MGA: variants seen among roughly 807,000 people sequenced by gnomAD.
MGA encodes the protein MAX gene-associated protein.
Under a neutral mutation model 261.1 loss-of-function variants are expected in MGA, and 40 were observed. The ratio of observed to expected loss-of-function variants is 0.15; its 90% CI spans 0.12 to 0.20. The LOEUF (loss-of-function observed/expected upper bound fraction) is 0.20. MGA is among the 10% of genes least tolerant of loss of function. MGA has a pLI of 1.00. For missense variants in MGA, 3,397 were observed against 3,630.5 expected (o/e 0.94, Z 1.65); for synonymous variants, 1,302 against 1,290.6 (o/e 1.01, Z -0.19).
In MGA at chr15:41,729,333, A is replaced by G. The variant is rs2061392997; in HGVS notation, c.3827A>G (p.Asn1276Ser). ...ACTTCATGTCATTCTAGCCCTGAGA[A>G]CCATAATAATGCAAAGGTGAGTTTC... The change falls in exon 11 of 24, where the codon AAC (asparagine) becomes AGC (serine). Residue 1276 changes from asparagine to serine, a missense_variant. This residue lies in a region of MGA where 1,410 missense variants were observed against 1,386.4 expected (regional missense o/e 1.02). Coordinates refer to ENST00000219905, the MANE Select transcript of MGA (RefSeq NM_001164273.2). The G allele has an allele frequency of 1.2e-6, 2 of 1,611,262 alleles. No individual in the cohort carries two copies. The highest frequency in any genetic ancestry group is 1.7e-6 in the Non-Finnish European group (2 of 1,179,182).
chr15:41,694,319 G>A (rs936162424), intron 2 of MGA, among the ~76,000 whole-genome samples: 3 of 151,904 alleles, frequency 2.0e-5, no homozygotes, highest in Non-Finnish European at 4.4e-5. Context: ...GGGAGGCCAA[G>A]GCAGGAGAAT....
At chr15:41,681,993 C>T (rs1437426136) in intron 2 of MGA, among the ~76,000 whole-genome samples, 2 of 152,136 alleles carry the variant, frequency 1.3e-5, no homozygotes, top group Non-Finnish European at 2.9e-5. Flanking sequence ...TCTCGGCTTA[C>T]TGCAACCGCT....
At chr15:41,739,925 C>T (rs368291283) in intron 13 of MGA, 86 of 1,611,872 alleles carry the variant, frequency 5.3e-5, no homozygotes, top group Non-Finnish European at 6.7e-5. Flanking sequence ...AAGAGTTACC[C>T]GCAGGCTAAG....
chr15:41,733,114 A>C (rs534046678), intron 11 of MGA, among the ~76,000 whole-genome samples: 9 of 152,184 alleles, frequency 5.9e-5, no homozygotes, highest in Admixed American at 5.9e-4. Context: ...GGGTGCCACC[A>C]TGCCCGGCTA....
At chr15:41,635,478 G>A (rs187520710) in intron 1 of MGA, among the ~76,000 whole-genome samples, 1 of 152,278 alleles carries the variant, frequency 6.6e-6, no homozygotes, top group African/African-American at 2.4e-5. Flanking sequence ...GGGAGGCCAA[G>A]GTGGGAGTTT....
At chr15:41,680,748 C>T (rs2058625775) in intron 2 of MGA, among the ~76,000 whole-genome samples, 1 of 152,194 alleles carries the variant, frequency 6.6e-6, no homozygotes, top group African/African-American at 2.4e-5. Flanking sequence ...GTACATCACC[C>T]TTCTGGGACA....
At chr15:41,736,157 T>C in intron 12 of MGA, 24 bp from the exon 13 acceptor site, 3 of 1,468,730 alleles carry the variant, frequency 2.0e-6, no homozygotes, top group South Asian at 1.5e-5. Context: ...CAACTTTTTC[T>C]TTTTTATTAT....
In MGA at chr15:41,713,181, A is replaced by G. The variant is rs377370079; in HGVS notation, c.3115A>G (p.Ile1039Val). 7 of 1,613,638 alleles carry G rather than the reference A, an allele frequency of 4.3e-6. No homozygotes were observed. Among genetic ancestry groups the G allele is most frequent in the African/African-American group, 2.7e-5 (2 of 75,034 alleles). ...CCTCAAAACTAAACCTATCCACACAATCATAAGGAAACGAGCCCCTCCCTG... is the reference window on the plus strand; with the variant it reads ...CCTCAAAACTAAACCTATCCACACAGTCATAAGGAAACGAGCCCCTCCCTG... The change falls in exon 9 of 24, where the codon ATC becomes GTC. Residue 1039 changes from isoleucine to valine, a missense_variant. Coordinates refer to ENST00000219905, the MANE Select transcript of MGA (RefSeq NM_001164273.2).
At chr15:41,713,821 C>A (rs1356321984) in intron 9 of MGA, among the ~76,000 whole-genome samples, 1 of 152,204 alleles carries the variant, frequency 6.6e-6, no homozygotes, top group East Asian at 1.9e-4. Context: ...CAGGTAGACA[C>A]ACGTACGTTC....
At chr15:41,701,029 T>G (rs1171329529) in intron 5 of MGA, among the ~76,000 whole-genome samples, 2 of 152,244 alleles carry the variant, frequency 1.3e-5, no homozygotes, top group African/African-American at 4.8e-5. Context: ...GATCCCAGTC[T>G]CAGTCAATCA....
chr15:41,736,105 T>C (rs2061763348), intron 12 of MGA, 76 bp from the exon 13 acceptor site: 1 of 1,257,818 alleles, frequency 8.0e-7, no homozygotes, highest in South Asian at 1.7e-5. Context: ...CAGTTTTTTT[T>C]CAGAGTTTCA....
At chr15:41,734,841 T>A (rs2061685514) in intron 12 of MGA, among the ~76,000 whole-genome samples, 1 of 152,140 alleles carries the variant, frequency 6.6e-6, no homozygotes, top group African/African-American at 2.4e-5. Context: ...CAAGAGACAT[T>A]TAGGTTGAGG....
intron 1 of MGA, among the ~76,000 whole-genome samples, chr15:41,643,699 G>T (rs1342410323): frequency 6.6e-6 from 1 of 150,972 alleles, no homozygotes; most frequent in Non-Finnish European, 1.5e-5. Flanking sequence ...TATACAAAAG[G>T]TTTTAATTTG....
At chr15:41,663,624 G>A (rs2057548577) in intron 1 of MGA, among the ~76,000 whole-genome samples, 1 of 151,800 alleles carries the variant, frequency 6.6e-6, no homozygotes. Context: ...TGCGCAACAC[G>A]ACGCCCGGCT....
At chr15:41,762,063 T>C in intron 21 of MGA, 66 bp from the exon 22 acceptor site, 2 of 1,317,578 alleles carry the variant, frequency 1.5e-6, no homozygotes, top group South Asian at 2.7e-5. Flanking sequence ...ACTAGATTTC[T>C]GTTGACTCTG....
chr15:41,665,923 AT>A (rs1372805769), intron 1 of MGA, among the ~76,000 whole-genome samples: 1 of 151,126 alleles, frequency 6.6e-6, no homozygotes, highest in African/African-American at 2.4e-5. Context: ...TTTATTTTTT[AT>A]TTTTTTAAAG....
At position 41,662,483 on chromosome 15, in the gene MGA, C is replaced by T. The variant is rs1041466358; in HGVS notation, c.-68+1958C>T. On this transcript the variant is annotated intron_variant, in intron 1 of 23. Coordinates refer to ENST00000219905, the MANE Select transcript of MGA (RefSeq NM_001164273.2). ...TTCAGATAATATTTTGACATTTGCC[C>T]TATAAGGTTGTGACGATAAAATGCC... 2.0e-5 allele frequency among the ~76,000 whole-genome samples: 3 copies of T among 152,140 alleles called. No homozygotes were observed. The South Asian group carries it at 6.2e-4, about 31-fold the overall frequency.
At chr15:41,722,049 T>C (rs1295145260) in intron 9 of MGA, among the ~76,000 whole-genome samples, 4 of 151,808 alleles carry the variant, frequency 2.6e-5, no homozygotes, top group African/African-American at 7.3e-5. Flanking sequence ...ACAAATATAA[T>C]GTTGAAGGGG....
chr15:41,705,133 A>G (rs1185298687), intron 5 of MGA, among the ~76,000 whole-genome samples: 2 of 152,134 alleles, frequency 1.3e-5, no homozygotes, highest in Non-Finnish European at 2.9e-5. Context: ...CCCATTTCAT[A>G]TGAAATCAGC....
Sources: allele counts gnomAD v4.1 joint callset (sites outside exome capture counted in the v4.1 genomes callset), GRCh38; gene constraint gnomAD v4.1.1; regional missense constraint gnomAD v4.1.1; transcripts MANE v1.5; gene names NCBI Gene and HGNC (gene_info 2026-07-23, HGNC 2026-07-21).